RALGAPA2: variants seen among roughly 807,000 people sequenced by gnomAD.
The protein encoded by RALGAPA2 is Ral GTPase activating protein catalytic subunit alpha 2, also known as ral GTPase-activating protein subunit alpha-2.
In RALGAPA2, 139 loss-of-function variants were observed where a neutral mutation model predicts 230.4. The ratio of observed to expected loss-of-function variants is 0.60; its 90% CI spans 0.53 to 0.69. The LOEUF (loss-of-function observed/expected upper bound fraction) is 0.69, where lower values mean the gene tolerates loss of function less well. Among genes scored for constraint, RALGAPA2 ranks in the 30% least tolerant of loss-of-function variants. The probability of loss-of-function intolerance (pLI) is 0.00; values close to 1 mark genes in which losing one functional copy is unlikely to be tolerated. For missense variants in RALGAPA2, 2,163 were observed against 2,276.0 expected (o/e 0.95, Z 1.01); for synonymous variants, 847 against 837.8 (o/e 1.01, Z -0.19).
At chr20:20,585,826 G>A (rs1457488601) in intron 18 of RALGAPA2, among the ~76,000 whole-genome samples, 1 of 152,010 alleles carries the variant, frequency 6.6e-6, no homozygotes, top group African/African-American at 2.4e-5. Flanking sequence ...CTGCCAGTGG[G>A]CCTTGAACCT....
chr20:20,561,678 C>T (rs184800691), intron 23 of RALGAPA2, among the ~76,000 whole-genome samples: 14 of 152,262 alleles, frequency 9.2e-5, no homozygotes, highest in Admixed American at 8.5e-4. Context: ...TTTTTGTATG[C>T]ATTTATTCCC....
intron 16 of RALGAPA2, among the ~76,000 whole-genome samples, chr20:20,597,084 C>T (rs746532668): frequency 5.3e-5 from 8 of 151,952 alleles, no homozygotes; most frequent in Non-Finnish European, 8.8e-5. Flanking sequence ...AATTAAATTA[C>T]TAATAGGAAG....
rs1424410565 is a variant in RALGAPA2, at chr20:20,495,210, C to A, written c.5274G>T (p.Arg1758Ser). The A allele has an allele frequency of 6.2e-7, 1 of 1,611,008 alleles. No homozygotes were observed. The highest frequency in any genetic ancestry group is 1.3e-5 in the African/African-American group (1 of 74,854). The change falls in exon 36 of 40, where the codon AGG (arginine) becomes AGT (serine). Residue 1758 changes from arginine to serine, a missense_variant. Arg to Ser is a moderately radical substitution (Grantham distance 110). Transcript: ENST00000202677. The part of the protein sequence containing the change: ...VWSEHSRDYR[R>S]GIIPTAFGDV... ...CTCCAAAGGCAGTTGGGATAATACCCCTGCGGTAGTCTCTGGAGTGTTCAG... is the reference window on the plus strand; with the variant it reads ...CTCCAAAGGCAGTTGGGATAATACCACTGCGGTAGTCTCTGGAGTGTTCAG...
chr20:20,478,881 G>A (rs576314805), intron 36 of RALGAPA2, among the ~76,000 whole-genome samples: 4 of 151,470 alleles, frequency 2.6e-5, no homozygotes, highest in Non-Finnish European at 5.9e-5. Context: ...AAAAAAGTTC[G>A]TTCTTTGAAA....
At chr20:20,566,855 G>T (rs1034770662) in intron 23 of RALGAPA2, among the ~76,000 whole-genome samples, 8 of 152,150 alleles carry the variant, frequency 5.3e-5, no homozygotes, top group African/African-American at 1.9e-4. Flanking sequence ...TTAACTTTAT[G>T]CTGTTATGAT....
Position 20,512,642 on chromosome 20 carries a change from T to C in RALGAPA2, c.4727A>G (p.Gln1576Arg), listed in dbSNP as rs753913240. The C allele has an allele frequency of 6.2e-7, 1 of 1,614,002 alleles. No individual in the cohort carries two copies. The highest frequency in any genetic ancestry group is 8.5e-7 in the Non-Finnish European group (1 of 1,179,864). Residue 1576 changes from glutamine to arginine, a missense_variant, in exon 32 of 40, where the codon CAG becomes CGG. Physicochemically the swap from Gln to Arg is conservative, Grantham distance 43. Transcript: ENST00000202677. ...RQNAQEDEYI[Q>R]SHNFDSAMKV... Reference sequence around the variant, plus strand: ...CATTGCAGAATCGAAGTTATGACTCTGGATATACTCATCCTCTTGAGCATT... The same window carrying C: ...CATTGCAGAATCGAAGTTATGACTCCGGATATACTCATCCTCTTGAGCATT...
intron 1 of RALGAPA2, among the ~76,000 whole-genome samples, chr20:20,699,564 T>C (rs576711024): frequency 6.6e-6 from 1 of 152,302 alleles, no homozygotes; most frequent in Non-Finnish European, 1.5e-5. Context: ...TCAGTTCCCC[T>C]CTCTTCCATG....
chr20:20,451,224 T>C (rs529389530), intron 37 of RALGAPA2, among the ~76,000 whole-genome samples: 6 of 152,198 alleles, frequency 3.9e-5, no homozygotes, highest in Non-Finnish European at 5.9e-5. Flanking sequence ...ATATTTTTGT[T>C]TCATTTTCAG....
At chr20:20,703,732 C>A (rs1240367381) in intron 1 of RALGAPA2, among the ~76,000 whole-genome samples, 3 of 152,182 alleles carry the variant, frequency 2.0e-5, no homozygotes, top group Admixed American at 2.0e-4. Flanking sequence ...GATCCTTTAA[C>A]TCTGGAGTCA....
chr20:20,456,776 T>C (rs1008134007), intron 37 of RALGAPA2, among the ~76,000 whole-genome samples: 10 of 152,002 alleles, frequency 6.6e-5, no homozygotes, highest in African/African-American at 2.2e-4. Flanking sequence ...CACAGAACCA[T>C]AGAAGAGCCT....
At chr20:20,456,433 T>C (rs1420331903) in intron 37 of RALGAPA2, among the ~76,000 whole-genome samples, 2 of 152,264 alleles carry the variant, frequency 1.3e-5, no homozygotes, top group Admixed American at 1.3e-4. Flanking sequence ...CGTTGGCCTG[T>C]GGCCCTCCTT....
intron 2 of RALGAPA2, among the ~76,000 whole-genome samples, chr20:20,679,654 C>G (rs1008661946): frequency 6.6e-6 from 1 of 152,240 alleles, no homozygotes; most frequent in East Asian, 1.9e-4. Context: ...GTAAGAACAG[C>G]CCTACCTTTA....
chr20:20,416,414 T>C (rs1480673970), intron 37 of RALGAPA2, among the ~76,000 whole-genome samples: 1 of 152,184 alleles, frequency 6.6e-6, no homozygotes, highest in Non-Finnish European at 1.5e-5. Context: ...AGAAATTTTC[T>C]TGAATCACAG....
Position 20,643,552 on chromosome 20 carries a change from G to T in RALGAPA2, c.329-3C>A. 6.8e-7 allele frequency: 1 copy of T among 1,465,986 alleles called. No homozygotes were observed. Among genetic ancestry groups the T allele is most frequent in the South Asian group, 1.3e-5 (1 of 79,156 alleles). The allele number at this position is 1,465,986 out of a possible 1,614,324, so 90.8% of individuals were successfully genotyped here. On this transcript the variant is annotated splice_region_variant and splice_polypyrimidine_tract_variant and intron_variant, in intron 4 of 39. Transcript: ENST00000202677. ...TAGAAGCTTCTTTAAAGTTGAGCCT[G>T]AAAGTTTAAAATAATGAATTATAAA... is the stretch of plus-strand genomic sequence containing the variant.
Position 20,512,820 on chromosome 20 carries a change from C to T in RALGAPA2, c.4549G>A (p.Asp1517Asn). The T allele has an allele frequency of 1.2e-6, 2 of 1,613,644 alleles. No individual in the cohort carries two copies. Among genetic ancestry groups the T allele is most frequent in the Non-Finnish European group, 1.7e-6 (2 of 1,179,572 alleles). ...TCAAGTAATTTGTCAAGAACATCAT[C>T]CCCCTCCTCAACTTGAGAAGAGTCT... is the stretch of plus-strand genomic sequence containing the variant. ...QKDSSQVEEG[D>N]DVLDKLLENI... is the part of the protein sequence containing the mutation. Residue 1517 changes from aspartate to asparagine, a missense_variant, in exon 32 of 40, where the codon GAT (aspartate) becomes AAT (asparagine). By Grantham distance (23) the Asp-to-Asn change is conservative. Transcript: ENST00000202677.
intron 37 of RALGAPA2, among the ~76,000 whole-genome samples, chr20:20,470,727 C>T (rs957726996): frequency 2.6e-5 from 4 of 152,200 alleles, no homozygotes; most frequent in Non-Finnish European, 2.9e-5. Context: ...AATCTCTCAA[C>T]TTGTCATGGT....
chr20:20,600,261 G>A (rs796072341), intron 16 of RALGAPA2, among the ~76,000 whole-genome samples: 4 of 152,140 alleles, frequency 2.6e-5, no homozygotes, highest in Admixed American at 6.5e-5. Context: ...GCTCCACTGC[G>A]GTTCAGCCTG....
chr20:20,495,249 G>A lies in RALGAPA2; in HGVS notation c.5235C>T (p.Val1745=). 1.3e-6 allele frequency: 2 copies of A among 1,542,932 alleles called. No individual in the cohort carries two copies. Among genetic ancestry groups the A allele is most frequent in the Non-Finnish European group, 1.8e-6 (2 of 1,132,558 alleles). ...KKLRHLGNDE[V]HIVWSEHSRD... ...TGGAGTGTTCAGACCAGACGATATG[G>A]ACCTCGTCATTCCCCAAGTGACGAA... Residue 1745 remains valine (V), a synonymous_variant, in exon 36 of 40, where the codon GTC becomes GTT. Coordinates refer to ENST00000202677, the MANE Select transcript of RALGAPA2 (RefSeq NM_020343.4).
intron 33 of RALGAPA2, among the ~76,000 whole-genome samples, chr20:20,510,375 T>C (rs1346653017): frequency 6.6e-6 from 1 of 152,138 alleles, no homozygotes; most frequent in Non-Finnish European, 1.5e-5. Flanking sequence ...TCAAAACAGA[T>C]TTGAAAATTT....
Sources: gnomAD v4.1 joint callset for allele counts (sites outside exome capture counted in the v4.1 genomes callset) on GRCh38, gnomAD v4.1.1 for gene constraint, MANE v1.5 for transcripts, NCBI Gene and HGNC (gene_info 2026-07-23, HGNC 2026-07-21) for gene names.